Variants in UNC13C observed in about 807,000 individuals in gnomAD.
The protein encoded by UNC13C is protein unc-13 homolog C.
UNC13C carries 174 observed loss-of-function variants against 245.4 expected under a neutral mutation model. That is an observed-to-expected ratio of 0.71 (90% confidence interval 0.63 to 0.80). UNC13C has a LOEUF of 0.80. UNC13C is among the 30% of genes least tolerant of loss of function. The pLI is 0.00. For synonymous variants in UNC13C, 992 were observed against 895.1 expected, an observed-to-expected ratio of 1.11 and a Z score of -1.93; for missense variants, 2,829 against 2,602.9, an observed-to-expected ratio of 1.09 and a Z score of -1.89.
downstream of UNC13C, chr15:54,630,518 T>C (rs1207681863): frequency 6.6e-6 from 1 of 152,230 alleles, no homozygotes; most frequent in East Asian, 1.9e-4. Context: ...AAATAATAAA[T>C]GATCATACTT....
At position 54,467,813 on chromosome 15, in the gene UNC13C, T is replaced by A. The variant is rs78612995; in HGVS notation, c.4934-26795T>A. On this transcript the variant is annotated intron_variant, in intron 19 of 32. Transcript: ENST00000260323. Reference sequence around the variant, plus strand: ...ACTGCCCTGCTCTTTTAAGGCTCAATAGTATCTCATTGTGTGTATATTTCC... The same window carrying A: ...ACTGCCCTGCTCTTTTAAGGCTCAAAAGTATCTCATTGTGTGTATATTTCC... Among the ~76,000 whole-genome samples the A allele has an allele frequency of 3.5e-3, 532 of 151,812 alleles. 3 individuals carry two copies. The highest frequency in any genetic ancestry group is 0.012 in the African/African-American group (517 of 41,536).
At chr15:54,432,380 AC>A (rs2040889841) in intron 19 of UNC13C, among the ~76,000 whole-genome samples, 1 of 151,746 alleles carries the variant, frequency 6.6e-6, no homozygotes, top group Admixed American at 6.6e-5. Flanking sequence ...GATTTCACAA[AC>A]AAGCAGGATT....
intron 4 of UNC13C, among the ~76,000 whole-genome samples, chr15:54,144,526 A>G (rs540433886): frequency 6.6e-6 from 1 of 152,298 alleles, no homozygotes; most frequent in East Asian, 1.9e-4. Context: ...TCCACAAAGC[A>G]CTTAAGAGAT....
the UNC13C span, among the ~76,000 whole-genome samples, chr15:53,877,553 A>C: frequency 8.0e-5 from 12 of 150,394 alleles, no homozygotes; most frequent in African/African-American, 2.9e-4. Context: ...TAGGAAGGCT[A>C]GTGTGTTTGT....
intron 11 of UNC13C, among the ~76,000 whole-genome samples, 167 bp from the exon 12 acceptor site, chr15:54,297,644 A>T (rs920929795): frequency 1.3e-5 from 2 of 152,222 alleles, no homozygotes; most frequent in African/African-American, 4.8e-5. Flanking sequence ...AAGAGCTACC[A>T]CATATGGCCT....
At chr15:54,130,379 G>A (rs34643027) in intron 2 of UNC13C, among the ~76,000 whole-genome samples, 27,727 of 142,014 alleles carry the variant, frequency 0.2, 2,754 homozygotes, top group South Asian at 0.29. Flanking sequence ...TGCAAGCTCC[G>A]CCTCCCGGGT....
At chr15:54,373,459 C>T (rs574869553) in intron 17 of UNC13C, among the ~76,000 whole-genome samples, 26 of 152,216 alleles carry the variant, frequency 1.7e-4, no homozygotes, top group South Asian at 4.1e-4. Flanking sequence ...GCATGGAGTC[C>T]GGCTGCTCTG....
At chr15:54,572,392 A>G (rs1423145634) in intron 30 of UNC13C, among the ~76,000 whole-genome samples, 1 of 151,742 alleles carries the variant, frequency 6.6e-6, no homozygotes, top group Non-Finnish European at 1.5e-5. Flanking sequence ...CCTTATGATC[A>G]TAAAACCCAA....
chr15:53,904,344 T>A, the UNC13C span, among the ~76,000 whole-genome samples: 1 of 152,152 alleles, frequency 6.6e-6, no homozygotes, highest in South Asian at 2.1e-4. Context: ...TTTATATACA[T>A]AAATGTACAT....
chr15:54,282,233 A>G (rs867583798), intron 10 of UNC13C, among the ~76,000 whole-genome samples: 1 of 152,218 alleles, frequency 6.6e-6, no homozygotes, highest in Admixed American at 6.5e-5. Flanking sequence ...AGTTATATAT[A>G]CAGAATCATA....
intron 2 of UNC13C, among the ~76,000 whole-genome samples, chr15:54,077,096 G>A (rs11856854): frequency 0.47 from 71,194 of 151,852 alleles, 18,642 homozygotes; most frequent in Non-Finnish European, 0.6. Context: ...AAGTCCAGGG[G>A]CCTGTTATAG....
At chr15:53,995,326 CT>C (rs1894573886) in intron 1 of UNC13C, among the ~76,000 whole-genome samples, 1 of 152,000 alleles carries the variant, frequency 6.6e-6, no homozygotes. Context: ...AAATTGGTAT[CT>C]TACTACCCTT....
chr15:54,240,687 G>A (rs746429773), intron 7 of UNC13C, among the ~76,000 whole-genome samples: 1 of 152,116 alleles, frequency 6.6e-6, no homozygotes, highest in Non-Finnish European at 1.5e-5. Context: ...TATTAGGACT[G>A]ATTGAGAATC....
intron 18 of UNC13C, among the ~76,000 whole-genome samples, chr15:54,403,089 A>G (rs2040219920): frequency 6.6e-6 from 1 of 152,176 alleles, no homozygotes; most frequent in African/African-American, 2.4e-5. Context: ...ACTTGCTTGT[A>G]CCAGGTCTTG....
intron 2 of UNC13C, among the ~76,000 whole-genome samples, chr15:54,138,007 T>C (rs1186818104): frequency 2.6e-5 from 4 of 152,270 alleles, no homozygotes; most frequent in South Asian, 2.1e-4. Context: ...AGTTTTGGTA[T>C]ATTGTGTTTC....
At chr15:54,041,242 A>G (rs1649647036) in intron 2 of UNC13C, among the ~76,000 whole-genome samples, 1 of 152,204 alleles carries the variant, frequency 6.6e-6, no homozygotes, top group African/African-American at 2.4e-5. Flanking sequence ...CCATATCATA[A>G]AAATCCTTAA....
intron 19 of UNC13C, among the ~76,000 whole-genome samples, chr15:54,445,063 G>GACATA (rs1273007313): frequency 6.7e-6 from 1 of 148,250 alleles, no homozygotes; most frequent in Non-Finnish European, 1.5e-5. Flanking sequence ...AGAATATGCA[G>GACATA]TGTTTATTTT....
rs193237146 is a variant in UNC13C, at chr15:54,046,097, T to C, written c.2983+30211T>C. Among the ~76,000 whole-genome samples, 10 of 152,340 alleles carry C rather than the reference T, an allele frequency of 6.6e-5. No individual in the cohort carries two copies. In the East Asian group the frequency reaches 1.9e-3, roughly 29 times the overall value. ...TATCTTAGAGATTACTTCAGTACTTTATGGAGATCTTTGTCATTGTCTTTA... is the reference window on the plus strand; with the variant it reads ...TATCTTAGAGATTACTTCAGTACTTCATGGAGATCTTTGTCATTGTCTTTA... On this transcript the variant is annotated intron_variant, in intron 2 of 32. Coordinates refer to ENST00000260323, the MANE Select transcript of UNC13C (RefSeq NM_001080534.3).
At chr15:54,543,255 C>T (rs1381729850) in intron 26 of UNC13C, among the ~76,000 whole-genome samples, 1 of 151,936 alleles carries the variant, frequency 6.6e-6, no homozygotes. Context: ...CCTTCACTAA[C>T]GAAGACACAA....
Sources: gnomAD v4.1 joint callset for allele counts (sites outside exome capture counted in the v4.1 genomes callset) on GRCh38, gnomAD v4.1.1 for gene constraint, MANE v1.5 for transcripts, NCBI Gene and HGNC (gene_info 2026-07-23, HGNC 2026-07-21) for gene names.